The following HDAC4 variants were observed in gnomAD, a reference collection of about 807,000 sequenced individuals.
HDAC4 encodes the protein histone deacetylase 4, also known as histone deacetylase A.
Under a neutral mutation model 135.1 loss-of-function variants are expected in HDAC4, and 16 were observed. The ratio of observed to expected loss-of-function variants is 0.12; its 90% CI spans 0.08 to 0.18. The LOEUF is 0.18. HDAC4 is among the 10% of genes least tolerant of loss of function. The pLI, the probability that HDAC4 is intolerant of heterozygous loss-of-function variation, is 1.00. For synonymous variants in HDAC4, 685 were observed against 653.4 expected, an observed-to-expected ratio of 1.05 and a Z score of -0.74; for missense variants, 1,143 against 1,511.8, an observed-to-expected ratio of 0.76 and a Z score of 4.05.
chr2:239,269,688 G>A (rs751579317), intron 2 of HDAC4, among the ~76,000 whole-genome samples: 1 of 152,188 alleles, frequency 6.6e-6, no homozygotes. Flanking sequence ...CCTCGTGGCC[G>A]GGACTGCCGG....
chr2:239,202,906 G>C (rs1446653945), intron 3 of HDAC4, among the ~76,000 whole-genome samples: 1 of 152,236 alleles, frequency 6.6e-6, no homozygotes, highest in Non-Finnish European at 1.5e-5. Flanking sequence ...GGAAGGCAAA[G>C]AGCATTGACA....
intron 5 of HDAC4, among the ~76,000 whole-genome samples, chr2:239,168,971 C>T (rs2043283485): frequency 1.3e-5 from 2 of 152,258 alleles, no homozygotes; most frequent in Admixed American, 6.5e-5. Flanking sequence ...GACGGCGCTT[C>T]GGATGCAGCG....
chr2:239,164,044 T>C (rs994358074), intron 5 of HDAC4, 121 bp from the exon 6 acceptor site: 6 of 1,200,942 alleles, frequency 5.0e-6, no homozygotes, highest in African/African-American at 1.5e-5. Context: ...TTCAGGACGC[T>C]GTGGCCTCCT....
intron 16 of HDAC4, among the ~76,000 whole-genome samples, chr2:239,096,442 T>G: frequency 1.1e-5 from 1 of 94,182 alleles, no homozygotes; most frequent in Admixed American, 1.4e-4. Flanking sequence ...TGCACCCCCA[T>G]CACCCCACCA....
chr2:239,322,722 T>A (rs958741243), intron 2 of HDAC4, among the ~76,000 whole-genome samples: 3 of 152,058 alleles, frequency 2.0e-5, no homozygotes, highest in Non-Finnish European at 4.4e-5. Context: ...GGAACCAGCC[T>A]AAGGAAAGCA....
At position 239,068,698 on chromosome 2, in the gene HDAC4, G is replaced by T; in HGVS notation, c.2751-91C>A. 1 of 1,103,376 alleles carries T rather than the reference G, an allele frequency of 9.1e-7. No individual in the cohort carries two copies. Among genetic ancestry groups the T allele is most frequent in the Non-Finnish European group, 1.4e-6 (1 of 717,122 alleles). The allele number at this position is 1,103,376 out of a possible 1,614,324, so 68.3% of individuals were successfully genotyped here. A position where few individuals can be genotyped will look rare whatever the true frequency, so the allele number is the denominator to read the frequency against. On this transcript the variant is annotated intron_variant, in intron 22 of 26. Coordinates refer to ENST00000543185, the MANE Select transcript of HDAC4 (RefSeq NM_001378414.1). The surrounding 1 kb of genome is among the most constrained non-coding windows in gnomAD (Gnocchi z 4.4). ...CAAGGTTCCCTCTGGCATTGATAATGCCTGCCCCGCACCCCCTCGGCCACT... is the reference window on the plus strand; with the variant it reads ...CAAGGTTCCCTCTGGCATTGATAATTCCTGCCCCGCACCCCCTCGGCCACT...
intron 1 of HDAC4, among the ~76,000 whole-genome samples, chr2:239,377,238 T>C (rs373139623): frequency 7.7e-6 from 1 of 129,110 alleles, no homozygotes; most frequent in African/African-American, 2.9e-5. Flanking sequence ...AGCTCAGGCG[T>C]CGCCACCACA....
chr2:239,157,031 G>A (rs1358771066), intron 6 of HDAC4, among the ~76,000 whole-genome samples: 1 of 152,208 alleles, frequency 6.6e-6, no homozygotes, highest in Non-Finnish European at 1.5e-5. Flanking sequence ...ACCTCTGGCC[G>A]TTTTCCTGGT....
In HDAC4 at chr2:239,054,804, C is replaced by A. The variant is rs765485850; in HGVS notation, c.3033G>T (p.Gln1011His). 1 of 1,612,968 alleles carries A rather than the reference C, an allele frequency of 6.2e-7. No individual in the cohort carries two copies. Among genetic ancestry groups the A allele is most frequent in the Non-Finnish European group, 8.5e-7 (1 of 1,178,996 alleles). Residue 1011 changes from glutamine (Q) to histidine (H), a missense_variant, in exon 25 of 27, where the codon CAG becomes CAT. By Grantham distance (24) the Gln-to-His change is conservative. Around this residue, in one of 9 missense-constraint regions of HDAC4, gnomAD observed 131 missense variants for 130.6 expected, o/e 1.00. Transcript: ENST00000543185. ...GGACAGCGTTTGCATTGGGTCTTTG[C>A]TGTAAAACCTTTTCTGGGAGAGGAT... ...ELDPLPEKVL[Q>H]QRPNANAVRS...
At chr2:239,247,156 C>G (rs1239086878) in intron 2 of HDAC4, among the ~76,000 whole-genome samples, 1 of 152,248 alleles carries the variant, frequency 6.6e-6, no homozygotes, top group Admixed American at 6.5e-5. Flanking sequence ...TAACCGCGCT[C>G]CCTCGCTGCC....
In HDAC4 at chr2:239,052,472, CCCCAGCTCA is replaced by C. The variant is rs1040249896; in HGVS notation, c.*616_*624del. ...GCTTTTGAGAAACTCAAGCCAGCTC[CCCCAGCTCA>C]CATTCCTGTTTCTGTCCAGTTTTGT... On this transcript the variant is annotated 3_prime_UTR_variant, in exon 27 of 27. Coordinates refer to ENST00000543185, the MANE Select transcript of HDAC4 (RefSeq NM_001378414.1). The C allele has an allele frequency of 4.6e-5, 7 of 152,712 alleles. No individual in the cohort carries two copies. Among genetic ancestry groups the C allele is most frequent in the African/African-American group, 1.7e-4 (7 of 41,436 alleles). 9.5% of individuals were successfully genotyped at this position (152,712 alleles called of 1,614,324 possible).
chr2:239,366,670 G>A (rs1388334493), intron 1 of HDAC4, among the ~76,000 whole-genome samples: 1 of 152,116 alleles, frequency 6.6e-6, no homozygotes, highest in African/African-American at 2.4e-5. Context: ...ACACACAGAA[G>A]GCCCAAGGAT....
chr2:239,112,792 T>C (rs2038792634), intron 13 of HDAC4, among the ~76,000 whole-genome samples: 1 of 152,204 alleles, frequency 6.6e-6, no homozygotes, highest in African/African-American at 2.4e-5. Flanking sequence ...AATCCTGTCT[T>C]AGTTTTGATG....
At chr2:239,267,244 C>T (rs2049789468) in intron 2 of HDAC4, among the ~76,000 whole-genome samples, 1 of 152,220 alleles carries the variant, frequency 6.6e-6, no homozygotes, top group Admixed American at 6.5e-5. Flanking sequence ...CCATCCACTG[C>T]ACCTATAATT....
chr2:239,324,817 G>A (rs1036125569), intron 2 of HDAC4, among the ~76,000 whole-genome samples: 3 of 152,238 alleles, frequency 2.0e-5, no homozygotes, highest in African/African-American at 4.8e-5. Context: ...ACAGGGACGG[G>A]AGCCAAAGAA....
intron 1 of HDAC4, among the ~76,000 whole-genome samples, chr2:239,386,677 T>A (rs751758917): frequency 1.3e-5 from 2 of 152,182 alleles, no homozygotes; most frequent in African/African-American, 4.8e-5. Flanking sequence ...GTGTAAGAGC[T>A]TGACTTTCAT....
chr2:239,274,605 T>C (rs1344987326), intron 2 of HDAC4, among the ~76,000 whole-genome samples: 4 of 152,224 alleles, frequency 2.6e-5, no homozygotes, highest in African/African-American at 9.7e-5. Context: ...CTCATTTGCC[T>C]ACCTCGAAAA....
At chr2:239,243,049 C>T (rs942440546) in intron 2 of HDAC4, among the ~76,000 whole-genome samples, 6 of 151,852 alleles carry the variant, frequency 4.0e-5, no homozygotes, top group South Asian at 2.1e-4. Context: ...CTCTTTTCCA[C>T]GCTTGATTCT....
At chr2:239,395,834 A>G (rs1165778184) in intron 1 of HDAC4, among the ~76,000 whole-genome samples, 1 of 152,216 alleles carries the variant, frequency 6.6e-6, no homozygotes, top group Non-Finnish European at 1.5e-5. Context: ...GGATATCTAC[A>G]CACTTATCTT....
Sources: allele counts gnomAD v4.1 joint callset (sites outside exome capture counted in the v4.1 genomes callset), GRCh38; gene constraint gnomAD v4.1.1; regional missense constraint gnomAD v4.1.1; non-coding constraint Gnocchi (gnomAD v3.1); transcripts MANE v1.5; gene names NCBI Gene and HGNC (gene_info 2026-07-23, HGNC 2026-07-21).